The following VKORC1 variants were observed in gnomAD, a reference collection of about 807,000 sequenced individuals.
VKORC1 encodes vitamin K epoxide reductase complex subunit 1.
VKORC1 carries 12 observed loss-of-function variants against 14.8 expected under a neutral mutation model. The ratio of observed to expected loss-of-function variants is 0.81; its 90% CI spans 0.52 to 1.31. The LOEUF (loss-of-function observed/expected upper bound fraction) is 1.31, where lower values mean the gene tolerates loss of function less well. Ranked by LOEUF, VKORC1 falls within the 50% of genes most tolerant of loss-of-function variation. The pLI, the probability that VKORC1 is intolerant of heterozygous loss-of-function variation, is 0.00. For missense variants in VKORC1, 223 were observed against 215.3 expected, an observed-to-expected ratio of 1.04 and a Z score of -0.22; for synonymous variants, 94 against 92.5, an observed-to-expected ratio of 1.02 and a Z score of -0.09.
Position 31,093,438 on chromosome 16 carries a change from G to T in VKORC1, c.174-17C>A, listed in dbSNP as rs752704680. 3.8e-5 allele frequency: 62 copies of T among 1,614,008 alleles called. No homozygotes were observed. The highest frequency in any genetic ancestry group is 5.3e-5 in the Non-Finnish European group (62 of 1,180,016). ...CTGCCCCACCTGGCAGAGGGGTGGG[G>T]TGGGGTGGAACCAGGTTAGGACTGT... is the stretch of plus-strand genomic sequence containing the variant. On this transcript the variant is annotated splice_polypyrimidine_tract_variant and intron_variant, in intron 1 of 2. Transcript: ENST00000394975.
At chr16:31,093,459 A>C in intron 1 of VKORC1, 38 bp from the exon 2 acceptor site, 1 of 1,613,870 alleles carries the variant, frequency 6.2e-7, no homozygotes, top group Non-Finnish European at 8.5e-7. Context: ...CCAGGTTAGG[A>C]CTGTCAACCC....
intron 2 of VKORC1, among the ~76,000 whole-genome samples, chr16:31,091,739 T>C (rs771586847): frequency 6.6e-5 from 10 of 152,064 alleles, no homozygotes; most frequent in Non-Finnish European, 1.5e-4. Flanking sequence ...ATACAAAAAT[T>C]AGCCGGGTGT....
chr16:31,092,795 C>T (rs1392779419), intron 2 of VKORC1: 4 of 1,273,320 alleles, frequency 3.1e-6, no homozygotes, highest in African/African-American at 1.5e-5. Flanking sequence ...CTGTAATCCC[C>T]CCAGCACTTT....
At chr16:31,091,858 C>T (rs2057292347) in intron 2 of VKORC1, among the ~76,000 whole-genome samples, 1 of 151,894 alleles carries the variant, frequency 6.6e-6, no homozygotes, top group Admixed American at 6.6e-5. Context: ...CACATTCCAG[C>T]TTGGGCAGCA....
chr16:31,094,117 C>T, intron 1 of VKORC1: 3 of 1,509,852 alleles, frequency 2.0e-6, no homozygotes, highest in Non-Finnish European at 2.7e-6. Flanking sequence ...TCTCCAGCTC[C>T]CTGGCCACTC....
Position 31,094,655 on chromosome 16 carries a change from G to C in VKORC1, c.75C>G (p.Tyr25Ter). 1 of 1,607,442 alleles carries C rather than the reference G, an allele frequency of 6.2e-7. No individual in the cohort carries two copies. The change falls in exon 1 of 3, where the codon TAC becomes TAG. Residue 25 changes from tyrosine to a stop codon, truncating the protein, a stop_gained. Coordinates refer to ENST00000394975, the MANE Select transcript of VKORC1 (RefSeq NM_024006.6). LOFTEE classifies it high-confidence loss of function. Reference sequence around the variant, plus strand: ...CGCGCGCCGCCTTCACGTGCAGCGCGTAGAGCGAGAGCACTAAGCCCGTCA... The same window carrying C: ...CGCGCGCCGCCTTCACGTGCAGCGCCTAGAGCGAGAGCACTAAGCCCGTCA... ...LCLTGLVLSL[Y>*]ALHVKAARAR...
At chr16:31,092,826 T>G (rs754553399) in intron 2 of VKORC1, 35 of 1,222,660 alleles carry the variant, frequency 2.9e-5, no homozygotes, top group Non-Finnish European at 3.6e-5. Context: ...GGCAGACAGA[T>G]TGCTTGAGAC....
intron 1 of VKORC1, chr16:31,094,073 CG>C: frequency 7.9e-7 from 1 of 1,270,524 alleles, no homozygotes. Context: ...GACTGGGAGT[CG>C]GGGGCAGATT....
rs572973943 is a variant in VKORC1 at position 31,091,297 on chromosome 16, G to A, written c.329C>T (p.Ser110Phe). The A allele has an allele frequency of 1.9e-6, 3 of 1,614,152 alleles. No individual in the cohort carries two copies. The highest frequency in any genetic ancestry group is 2.5e-6 in the Non-Finnish European group (3 of 1,180,034). The change falls in exon 3 of 3, where the codon TCC becomes TTC. Residue 110 changes from serine to phenylalanine, a missense_variant. By Grantham distance (155) the Ser-to-Phe change is radical. Coordinates refer to ENST00000394975, the MANE Select transcript of VKORC1 (RefSeq NM_024006.6). Reference protein sequence around the residue: ...RWASVLMLLSSLVSLAGSVYL... With the variant: ...RWASVLMLLSFLVSLAGSVYL... ...GACAGAACCAGCGAGAGACACCAGG[G>A]AGCTCAGCAGCATCAGGACAGAGGC...
At chr16:31,094,234 C>A (rs2057312105) in intron 1 of VKORC1, 1 of 1,607,746 alleles carries the variant, frequency 6.2e-7, no homozygotes, top group Non-Finnish European at 8.5e-7. Flanking sequence ...CCCCCCTTCA[C>A]CTGCGCGCCG....
In VKORC1 at chr16:31,094,676, C is replaced by T. The variant is rs771891906; in HGVS notation, c.54G>A (p.Thr18=). 6 of 1,608,068 alleles carry T rather than the reference C, an allele frequency of 3.7e-6. No homozygotes were observed. Among genetic ancestry groups the T allele is most frequent in the Admixed American group, 1.7e-5 (1 of 59,594 alleles). Residue 18 remains threonine (T), a synonymous_variant, in exon 1 of 3, where the codon ACG becomes ACA. Transcript: ENST00000394975. ...GCGCGTAGAGCGAGAGCACTAAGCC[C>T]GTCAGGCAAAGAGCGAGCCGCACCC... ...PGWVRLALCL[T]GLVLSLYALH...
chr16:31,094,163 C>T, intron 1 of VKORC1: 1 of 1,561,388 alleles, frequency 6.4e-7, no homozygotes, highest in Non-Finnish European at 8.7e-7. Context: ...TATGCTAACG[C>T]CTGGCCATCA....
At chr16:31,091,507 C>T (rs1027975787) in intron 2 of VKORC1, among the ~76,000 whole-genome samples, 165 bp from the exon 3 acceptor site, 1 of 152,198 alleles carries the variant, frequency 6.6e-6, no homozygotes, top group Non-Finnish European at 1.5e-5. Context: ...TCCAAACACT[C>T]TGGGAGGCCG....
intron 1 of VKORC1, 135 bp from the exon 2 acceptor site, chr16:31,093,556 G>A (rs1490849341): frequency 5.8e-6 from 9 of 1,545,806 alleles, no homozygotes; most frequent in Non-Finnish European, 7.9e-6. Context: ...CCTAGTCCAA[G>A]GGTCGATGAT....
chr16:31,093,645 C>CGGACGT, intron 1 of VKORC1: 1 of 1,080,510 alleles, frequency 9.3e-7, no homozygotes, highest in Non-Finnish European at 1.3e-6. Context: ...AGACCAGGCC[C>CGGACGT]GGACGTGGCT....
chr16:31,091,106 TG>T lies in VKORC1; in HGVS notation c.*27del. On this transcript the variant is annotated 3_prime_UTR_variant, in exon 3 of 3. Coordinates refer to ENST00000394975, the MANE Select transcript of VKORC1 (RefSeq NM_024006.6). ...GGCTCACATGCCAAAGCAAAGCAGA[TG>T]AGGTCAGCCTGGCTTGGGTTGAGGG... is the stretch of plus-strand genomic sequence containing the variant. 1 of 1,611,866 alleles carries T rather than the reference TG, an allele frequency of 6.2e-7. No homozygotes were observed. Among genetic ancestry groups the T allele is most frequent in the Non-Finnish European group, 8.5e-7 (1 of 1,179,628 alleles).
intron 1 of VKORC1, 169 bp from the exon 2 acceptor site, chr16:31,093,590 C>A: frequency 6.6e-7 from 1 of 1,505,500 alleles, no homozygotes; most frequent in Non-Finnish European, 8.9e-7. Context: ...GCACCTTTGG[C>A]CACGTCAGGA....
In VKORC1 at chr16:31,093,381, G is replaced by C; in HGVS notation, c.214C>G (p.Gln72Glu). Reference protein sequence around the residue: ...GFGLVEHVLGQDSILNQSNSI... With the variant: ...GFGLVEHVLGEDSILNQSNSI... The stretch of plus-strand genomic sequence containing the variant: ...TTGGATTGATTGAGGATGCTGTCCT[G>C]TCCCAGCACATGCTCCACCAGCCCG... Residue 72 changes from glutamine to glutamate, a missense_variant, in exon 2 of 3, where the codon CAG (glutamine) becomes GAG (glutamate). Transcript: ENST00000394975. 1.2e-6 allele frequency: 2 copies of C among 1,614,158 alleles called. No individual in the cohort carries two copies. The highest frequency in any genetic ancestry group is 3.3e-5 in the Admixed American group (2 of 60,024).
In VKORC1 at chr16:31,091,026, CT is replaced by C. The variant is rs1385618444; in HGVS notation, c.*107del. 13 of 1,531,048 alleles carry C rather than the reference CT, an allele frequency of 8.5e-6. No individual in the cohort carries two copies. Among genetic ancestry groups the C allele is most frequent in the Non-Finnish European group, 1.1e-5 (13 of 1,134,350 alleles). The allele number at this position is 1,531,048 out of a possible 1,614,324, so 94.8% of individuals were successfully genotyped here. A position where few individuals can be genotyped will look rare whatever the true frequency, so the allele number is the denominator to read the frequency against. On this transcript the variant is annotated 3_prime_UTR_variant, in exon 3 of 3. Coordinates refer to ENST00000394975, the MANE Select transcript of VKORC1 (RefSeq NM_024006.6). Reference sequence around the variant, plus strand: ...GGGTATGGCAGGAGGAGGGGGTAATCTAGAAGCCCCACATCTAGGGCCTTCT... The same window carrying C: ...GGGTATGGCAGGAGGAGGGGGTAATCAGAAGCCCCACATCTAGGGCCTTCT...
Sources: allele counts gnomAD v4.1 joint callset (sites outside exome capture counted in the v4.1 genomes callset), GRCh38; gene constraint gnomAD v4.1.1; transcripts MANE v1.5; gene names NCBI Gene and HGNC (gene_info 2026-07-23, HGNC 2026-07-21).